HOMER2: variants seen among roughly 807,000 people sequenced by gnomAD.
The protein encoded by HOMER2 is homer scaffold protein 2, also known as homer protein homolog 2.
HOMER2 carries 27 observed loss-of-function variants against 47.0 expected under a neutral mutation model. The observed-to-expected ratio is 0.57, with a 90% CI of 0.42 to 0.79. HOMER2 has a LOEUF of 0.79. HOMER2 is among the 30% of genes least tolerant of loss of function. The pLI is 0.00. For synonymous variants in HOMER2, 161 were observed against 163.8 expected, an observed-to-expected ratio of 0.98 and a Z score of 0.13; for missense variants, 443 against 435.0, an observed-to-expected ratio of 1.02 and a Z score of -0.16.
At chr15:82,897,098 A>C (rs2052955277) in intron 1 of HOMER2, among the ~76,000 whole-genome samples, 1 of 119,810 alleles carries the variant, frequency 8.3e-6, no homozygotes, top group Non-Finnish European at 1.6e-5. Context: ...ATGAAGTCTC[A>C]CTCTGTCGCC....
At chr15:82,981,001 T>A (rs1055432499) in intron 1 of HOMER2, among the ~76,000 whole-genome samples, 3 of 152,038 alleles carry the variant, frequency 2.0e-5, no homozygotes, top group African/African-American at 4.8e-5. Flanking sequence ...GGGCAGGGTA[T>A]CAGTTTTGTT....
At chr15:82,914,280 A>G (rs2053526032) in intron 1 of HOMER2, among the ~76,000 whole-genome samples, 1 of 150,134 alleles carries the variant, frequency 6.7e-6, no homozygotes, top group Non-Finnish European at 1.5e-5. Flanking sequence ...TGGGAGGCTG[A>G]GGCAGGAGAA....
chr15:82,945,324 A>T (rs2047816434), intron 1 of HOMER2, among the ~76,000 whole-genome samples: 1 of 152,188 alleles, frequency 6.6e-6, no homozygotes, highest in African/African-American at 2.4e-5. Context: ...GTAGGTGTGG[A>T]TTTAAATGAT....
At chr15:82,939,347 T>C (rs1360717570) in intron 1 of HOMER2, among the ~76,000 whole-genome samples, 5 of 152,084 alleles carry the variant, frequency 3.3e-5, no homozygotes, top group Non-Finnish European at 7.4e-5. Context: ...CATGGGAGCT[T>C]TGGTCTCCAG....
At chr15:82,956,288 C>T (rs2054586931), upstream of HOMER2, among the ~76,000 whole-genome samples, 1 of 149,330 alleles carries the variant, frequency 6.7e-6, no homozygotes, top group Non-Finnish European at 1.5e-5. Context: ...AAGCATCAGT[C>T]ATGGGGAGCA....
exon 2 of HOMER2, chr15:82,837,180 A>G (rs2051136226): frequency 6.6e-6 from 1 of 152,134 alleles, no homozygotes; most frequent in African/African-American, 2.4e-5. Flanking sequence ...CCATCATCAC[A>G]TCTCTTTCTG....
At chr15:82,891,123 G>C (rs1306308508) in intron 2 of HOMER2, among the ~76,000 whole-genome samples, 1 of 152,090 alleles carries the variant, frequency 6.6e-6, no homozygotes, top group Non-Finnish European at 1.5e-5. Flanking sequence ...TCTCTGAAGC[G>C]GAGGGAGATA....
intron 1 of HOMER2, among the ~76,000 whole-genome samples, chr15:82,982,629 T>C (rs1481599060): frequency 6.6e-6 from 1 of 152,204 alleles, no homozygotes; most frequent in Admixed American, 6.5e-5. Flanking sequence ...AGTTTTGGAT[T>C]TGGGGACATT....
intron 3 of HOMER2, among the ~76,000 whole-genome samples, chr15:82,872,193 C>T (rs1032005749): frequency 2.0e-5 from 3 of 152,140 alleles, no homozygotes; most frequent in Non-Finnish European, 4.4e-5. Flanking sequence ...CCCATTACCC[C>T]CTCAGACAGA....
chr15:82,980,238 C>T (rs75065032), intron 1 of HOMER2, among the ~76,000 whole-genome samples: 7,178 of 152,066 alleles, frequency 0.047, 243 homozygotes, highest in Middle Eastern at 0.075. Context: ...CTGTGATACA[C>T]AAACCAACCA....
intron 1 of HOMER2, among the ~76,000 whole-genome samples, chr15:82,928,695 C>T (rs951334758): frequency 2.0e-5 from 3 of 151,824 alleles, no homozygotes; most frequent in Non-Finnish European, 4.4e-5. Flanking sequence ...AATTAAACAA[C>T]CGATTTTTGT....
intron 1 of HOMER2, among the ~76,000 whole-genome samples, chr15:82,940,910 C>T (rs2054252635): frequency 6.6e-6 from 1 of 151,746 alleles, no homozygotes; most frequent in Non-Finnish European, 1.5e-5. Flanking sequence ...AAAAAAAAAT[C>T]TAACTCTCAC....
At chr15:82,957,330 C>T (rs2054595700), upstream of HOMER2, among the ~76,000 whole-genome samples, 1 of 151,634 alleles carries the variant, frequency 6.6e-6, no homozygotes, top group African/African-American at 2.4e-5. Flanking sequence ...AAGTGCTTAG[C>T]TCAGTCCCTA....
At chr15:82,881,186 C>A (rs1236867819) in intron 2 of HOMER2, among the ~76,000 whole-genome samples, 2 of 152,162 alleles carry the variant, frequency 1.3e-5, no homozygotes, top group South Asian at 4.1e-4. Flanking sequence ...AGTAAAAGAC[C>A]CAGTCCTGCA....
At chr15:82,965,261 C>A (rs1043150143) in intron 1 of HOMER2, among the ~76,000 whole-genome samples, 2 of 152,216 alleles carry the variant, frequency 1.3e-5, no homozygotes, top group Admixed American at 6.5e-5. Flanking sequence ...TCAAGTGATC[C>A]TCCCATCTCA....
chr15:82,979,513 G>A (rs2030320372), intron 1 of HOMER2, among the ~76,000 whole-genome samples: 1 of 152,146 alleles, frequency 6.6e-6, no homozygotes, highest in African/African-American at 2.4e-5. Flanking sequence ...GGGTCTGGAG[G>A]GGAGCAAGGC....
At chr15:82,867,121 T>C (rs937449870) in intron 3 of HOMER2, among the ~76,000 whole-genome samples, 8 of 151,802 alleles carry the variant, frequency 5.3e-5, no homozygotes, top group Admixed American at 3.9e-4. Context: ...TGAATTTAAA[T>C]CCCACAAACC....
At chr15:82,867,102 T>A (rs1256342667) in intron 3 of HOMER2, among the ~76,000 whole-genome samples, 1 of 151,980 alleles carries the variant, frequency 6.6e-6, no homozygotes, top group Non-Finnish European at 1.5e-5. Flanking sequence ...TTTAGTAAAT[T>A]GAGAGAAATG....
intron 5 of HOMER2, among the ~76,000 whole-genome samples, chr15:82,855,674 G>C (rs1476032950): frequency 6.6e-6 from 1 of 152,248 alleles, no homozygotes; most frequent in Non-Finnish European, 1.5e-5. Flanking sequence ...TCAGTGCCCT[G>C]GGGGCACAAC....
Sources: allele counts gnomAD v4.1 joint callset (sites outside exome capture counted in the v4.1 genomes callset), GRCh38; gene constraint gnomAD v4.1.1; transcripts MANE v1.5; gene names NCBI Gene and HGNC (gene_info 2026-07-23, HGNC 2026-07-21).